BLCAP: variants seen among roughly 807,000 people sequenced by gnomAD.
BLCAP encodes the protein apoptosis inducing factor BLCAP.
Under a neutral mutation model 5.7 loss-of-function variants are expected in BLCAP, and 1 was observed. That is an observed-to-expected ratio of 0.18 (90% CI 0.06 to 0.83). BLCAP has a LOEUF of 0.83. BLCAP is among the 40% of genes least tolerant of loss of function. The pLI is 0.71. For missense variants in BLCAP, 66 were observed against 107.6 expected, an observed-to-expected ratio of 0.61 and a Z score of 1.71; for synonymous variants, 48 against 49.4, an observed-to-expected ratio of 0.97 and a Z score of 0.11.
In BLCAP at chr20:37,521,632, C is replaced by A; in HGVS notation, c.-176-2282G>T. ...CCGCGCCTGCCAGGGAACAAAGACT[C>A]GGGGCGCGGCGGGCGACCGCTGCGG... On this transcript the variant is annotated intron_variant, in intron 1 of 1. Transcript: ENST00000373537. This position sits in a 1 kb window ranked among gnomAD's most constrained non-coding sequence, Gnocchi z 4.5. The A allele has an allele frequency of 1.9e-6, 1 of 538,868 alleles. No individual in the cohort carries two copies. Among genetic ancestry groups the A allele is most frequent in the East Asian group, 3.2e-5 (1 of 31,082 alleles). The allele number at this position is 538,868 out of a possible 1,614,324, so 33.4% of individuals were successfully genotyped here.
chr20:37,525,128 ACC>A (rs1479222987), intron 1 of BLCAP, among the ~76,000 whole-genome samples: 1 of 151,984 alleles, frequency 6.6e-6, no homozygotes, highest in African/African-American at 2.4e-5. Flanking sequence ...TCCCTTCTGA[ACC>A]CCATATCTTG....
chr20:37,524,268 T>C lies in BLCAP; in HGVS notation c.-177+3525A>G, dbSNP rs1054196113. Reference sequence around the variant, plus strand: ...ACTACAAAGACAATCTGCCTGGCCTTGCTACTCTGCAGGGTCTCCTGGCCC... The same window carrying C: ...ACTACAAAGACAATCTGCCTGGCCTCGCTACTCTGCAGGGTCTCCTGGCCC... On this transcript the variant is annotated intron_variant, in intron 1 of 1. Coordinates refer to ENST00000373537, the MANE Select transcript of BLCAP (RefSeq NM_006698.4). 8 of 152,424 alleles carry C rather than the reference T, an allele frequency of 5.2e-5. No homozygotes were observed. In the East Asian group the frequency reaches 1.4e-3, roughly 26 times the overall value. The allele number at this position is 152,424 out of a possible 1,614,324, so 9.4% of individuals were successfully genotyped here.
chr20:37,522,677 A>G (rs1311384305), intron 1 of BLCAP: 1 of 1,611,238 alleles, frequency 6.2e-7, no homozygotes, highest in Non-Finnish European at 8.5e-7. Context: ...GTGTTCAGGT[A>G]CTCCCTGCAG....
intron 1 of BLCAP, chr20:37,522,634 C>A: frequency 6.3e-7 from 1 of 1,586,062 alleles, no homozygotes; most frequent in Non-Finnish European, 8.6e-7. Flanking sequence ...GGGTGCTCTC[C>A]ACTAAGGGTG....
intron 1 of BLCAP, chr20:37,522,835 C>G: frequency 7.3e-7 from 1 of 1,372,498 alleles, no homozygotes; most frequent in South Asian, 1.4e-5. Flanking sequence ...GAGCCAGTGC[C>G]GCGCAGGAAT....
chr20:37,522,197 AT>A (rs1416075042), intron 1 of BLCAP, among the ~76,000 whole-genome samples: 19 of 8,490 alleles, frequency 2.2e-3, no homozygotes, highest in African/African-American at 4.3e-3. Context: ...AAAAATAATA[AT>A]AAAAAAAATA....
rs1322116582 is a variant in BLCAP at position 37,518,234 on chromosome 20, G to A, written c.*677C>T. On this transcript the variant is annotated 3_prime_UTR_variant, in exon 2 of 2. Transcript: ENST00000373537. ...GGAAAGCTTGAGCCCAGACACCCAG[G>A]TGAAAGAGCAACATCTATCTGTTGC... 6.6e-6 allele frequency: 1 copy of A among 152,242 alleles called. No individual in the cohort carries two copies. The highest frequency in any genetic ancestry group is 1.5e-5 in the Non-Finnish European group (1 of 68,056). The allele number at this position is 152,242 out of a possible 1,614,324, so 9.4% of individuals were successfully genotyped here. A position where few individuals can be genotyped will look rare whatever the true frequency, so the allele number is the denominator to read the frequency against.
rs567277107 is a variant in BLCAP, at chr20:37,521,502, T to C, written c.-176-2152A>G. The stretch of plus-strand genomic sequence containing the variant: ...ATTGCCGCTTCCCGGACCCGTCCTA[T>C]TCCGATTGCCGCGATCCTTGCCTGC... On this transcript the variant is annotated intron_variant, in intron 1 of 1. Transcript: ENST00000373537. The surrounding 1 kb of genome is among the most constrained non-coding windows in gnomAD (Gnocchi z 4.5). 8.1e-7 allele frequency: 1 copy of C among 1,228,036 alleles called. No individual in the cohort carries two copies. The highest frequency in any genetic ancestry group is 2.3e-5 in the East Asian group (1 of 42,570). The allele number at this position is 1,228,036 out of a possible 1,614,324, so 76.1% of individuals were successfully genotyped here.
intron 1 of BLCAP, chr20:37,522,905 T>C (rs1330775582): frequency 3.1e-6 from 2 of 642,466 alleles, no homozygotes; most frequent in African/African-American, 1.8e-5. Flanking sequence ...GAGGGGCCAG[T>C]AGACCCCCGG....
chr20:37,523,040 T>C (rs1601096244), intron 1 of BLCAP: 1 of 394,622 alleles, frequency 2.5e-6, no homozygotes, highest in Non-Finnish European at 4.5e-6. Context: ...GATCTGGGCA[T>C]AGGCACCGCA....
At position 37,521,438 on chromosome 20, in the gene BLCAP, C is replaced by T. The variant is rs1328567056; in HGVS notation, c.-176-2088G>A. 3 of 1,600,242 alleles carry T rather than the reference C, an allele frequency of 1.9e-6. No individual in the cohort carries two copies. Among genetic ancestry groups the T allele is most frequent in the Non-Finnish European group, 2.6e-6 (3 of 1,167,398 alleles). The stretch of plus-strand genomic sequence containing the variant: ...ACGGGGTTTCGGGTGGGAGAGGGTT[C>T]CCAACTCGCGCCCCTAGAACCCGCA... On this transcript the variant is annotated intron_variant, in intron 1 of 1. Coordinates refer to ENST00000373537, the MANE Select transcript of BLCAP (RefSeq NM_006698.4). This position sits in a 1 kb window ranked among gnomAD's most constrained non-coding sequence, Gnocchi z 4.5.
intron 1 of BLCAP, chr20:37,526,855 A>C (rs1362766806): frequency 1.3e-5 from 2 of 152,226 alleles, no homozygotes; most frequent in African/African-American, 4.8e-5. Context: ...TTAGCACTTA[A>C]GCTGGAACTT....
intron 1 of BLCAP, among the ~76,000 whole-genome samples, chr20:37,522,130 GA>G (rs1167414114): frequency 8.8e-6 from 1 of 113,828 alleles, no homozygotes; most frequent in Non-Finnish European, 1.9e-5. Context: ...CCCCTCGAGA[GA>G]AAAATAGAAG....
In BLCAP at chr20:37,519,219, T is replaced by G. The variant is rs1251575376; in HGVS notation, c.-45A>C. On this transcript the variant is annotated 5_prime_UTR_variant, in exon 2 of 2. Transcript: ENST00000373537. ...CTTCACCAAGGCTGCCGGGCACCGCTGCAGGAACCGACCTAATGGGAGCCA... is the reference window on the plus strand; with the variant it reads ...CTTCACCAAGGCTGCCGGGCACCGCGGCAGGAACCGACCTAATGGGAGCCA... 1.3e-6 allele frequency: 2 copies of G among 1,533,238 alleles called. No homozygotes were observed. Among genetic ancestry groups the G allele is most frequent in the Admixed American group, 2.0e-5 (1 of 49,796 alleles). The allele number at this position is 1,533,238 out of a possible 1,614,324, so 95.0% of individuals were successfully genotyped here. A position where few individuals can be genotyped will look rare whatever the true frequency, so the allele number is the denominator to read the frequency against.
At chr20:37,520,004 G>C (rs1284851007) in intron 1 of BLCAP, among the ~76,000 whole-genome samples, 3 of 152,214 alleles carry the variant, frequency 2.0e-5, no homozygotes, top group African/African-American at 7.2e-5. Flanking sequence ...CAACTTCTCC[G>C]AAAGTCAATG....
chr20:37,519,404 CAAAAAAAAAAAAAA>C (rs543149253), intron 1 of BLCAP, 54 bp from the exon 2 acceptor site: 1 of 42,962 alleles, frequency 2.3e-5, no homozygotes. Context: ...GACAGACAGA[CAAAAAAAAAAAAAA>C]AAAAAGAAAA....
chr20:37,526,305 T>C (rs2071720189), intron 1 of BLCAP, among the ~76,000 whole-genome samples: 1 of 115,532 alleles, frequency 8.7e-6, no homozygotes, highest in African/African-American at 3.4e-5. Context: ...CCCTCAGAGA[T>C]TTAAACGTGT....
intron 1 of BLCAP, among the ~76,000 whole-genome samples, chr20:37,522,187 A>AT (rs1321167841): frequency 0.012 from 204 of 16,836 alleles, 1 homozygote; most frequent in African/African-American, 0.027. Flanking sequence ...TTACAAAAAA[A>AT]AAAATAATAA....
rs149524096 is a variant in BLCAP at position 37,521,470 on chromosome 20, C to T, written c.-176-2120G>A. The T allele has an allele frequency of 5.4e-6, 8 of 1,483,218 alleles. No homozygotes were observed. Among genetic ancestry groups the T allele is most frequent in the Non-Finnish European group, 7.5e-6 (8 of 1,061,000 alleles). The allele number at this position is 1,483,218 out of a possible 1,614,324, so 91.9% of individuals were successfully genotyped here. A position where few individuals can be genotyped will look rare whatever the true frequency, so the allele number is the denominator to read the frequency against. ...CGCGCCCCTAGAACCCGCAAGACTG[C>T]GTCGCGATTGCCGCTTCCCGGACCC... On this transcript the variant is annotated intron_variant, in intron 1 of 1. Transcript: ENST00000373537. The surrounding 1 kb of genome is among the most constrained non-coding windows in gnomAD (Gnocchi z 4.5).
Sources: gnomAD v4.1 joint callset for allele counts (sites outside exome capture counted in the v4.1 genomes callset) on GRCh38, gnomAD v4.1.1 for gene constraint, Gnocchi (gnomAD v3.1) non-coding constraint, MANE v1.5 for transcripts, NCBI Gene and HGNC (gene_info 2026-07-23, HGNC 2026-07-21) for gene names.